CNTN4: variants seen among roughly 807,000 people sequenced by gnomAD.
The protein encoded by CNTN4 is contactin 4.
CNTN4 carries 77 observed loss-of-function variants against 122.5 expected under a neutral mutation model. The observed-to-expected ratio is 0.63, with a 90% confidence interval of 0.52 to 0.76. The LOEUF (loss-of-function observed/expected upper bound fraction) is 0.76. Among genes scored for constraint, CNTN4 ranks in the 30% least tolerant of loss-of-function variants. The pLI is 0.00. For missense variants in CNTN4, 1,256 were observed against 1,259.1 expected, an observed-to-expected ratio of 1.00 and a Z score of 0.04; for synonymous variants, 512 against 447.0, an observed-to-expected ratio of 1.15 and a Z score of -1.83.
chr3:2,584,437 C>T (rs1030388160), intron 4 of CNTN4, among the ~76,000 whole-genome samples: 2 of 152,082 alleles, frequency 1.3e-5, no homozygotes, highest in African/African-American at 4.8e-5. Context: ...GGCACAGTGG[C>T]TCGTGCCTGT....
rs1699712090 is a variant in CNTN4 at position 3,037,449 on chromosome 3, T to G, written c.2092+121T>G. 10 of 1,315,506 alleles carry G rather than the reference T, an allele frequency of 7.6e-6. No individual in the cohort carries two copies. In the South Asian group the frequency reaches 1.1e-4, roughly 14 times the overall value. The allele number at this position is 1,315,506 out of a possible 1,614,324, so 81.5% of individuals were successfully genotyped here. ...CTCTGTGTTAGCTCACCCTTCCCTT[T>G]AAATGTTTATAATGATAGAAATCAG... is the stretch of plus-strand genomic sequence containing the variant. On this transcript the variant is annotated intron_variant, in intron 18 of 24. Transcript: ENST00000418658.
chr3:2,832,499 A>G (rs531001399), intron 7 of CNTN4, among the ~76,000 whole-genome samples: 62 of 152,310 alleles, frequency 4.1e-4, no homozygotes, highest in African/African-American at 1.4e-3. Flanking sequence ...GAGTCAGAGA[A>G]GGCTTCCTTG....
intron 14 of CNTN4, among the ~76,000 whole-genome samples, chr3:3,020,236 T>C (rs916270419): frequency 6.6e-6 from 1 of 152,166 alleles, no homozygotes; most frequent in African/African-American, 2.4e-5. Flanking sequence ...CCATAAGTTA[T>C]CTTTAACCAA....
At chr3:2,493,737 C>T (rs1164331199) in intron 3 of CNTN4, among the ~76,000 whole-genome samples, 7 of 152,036 alleles carry the variant, frequency 4.6e-5, no homozygotes, top group East Asian at 3.9e-4. Flanking sequence ...ACAACTAATA[C>T]GGTCATGTGG....
intron 4 of CNTN4, among the ~76,000 whole-genome samples, chr3:2,610,884 C>A (rs372927936): frequency 1.3e-3 from 204 of 152,164 alleles, no homozygotes; most frequent in Middle Eastern, 3.4e-3. Flanking sequence ...AATATTTTTT[C>A]AGGTATACAA....
At chr3:2,584,917 GTAGATAGATAGA>G (rs760860047) in intron 4 of CNTN4, among the ~76,000 whole-genome samples, 5 of 151,148 alleles carry the variant, frequency 3.3e-5, no homozygotes, top group Admixed American at 2.0e-4. Context: ...AGGTAGGTAG[GTAGATAGATAGA>G]TAGATAGATA....
At chr3:2,794,993 C>T (rs1362712507) in intron 6 of CNTN4, among the ~76,000 whole-genome samples, 3 of 151,794 alleles carry the variant, frequency 2.0e-5, no homozygotes, top group African/African-American at 2.4e-5. Context: ...AGGATTTTAA[C>T]AGAGAATTTG....
chr3:2,405,632 TAGA>T (rs2047009331), intron 3 of CNTN4, among the ~76,000 whole-genome samples: 1 of 150,104 alleles, frequency 6.7e-6, no homozygotes, highest in Non-Finnish European at 1.5e-5. Context: ...GATAGATAGA[TAGA>T]TAGGAGTCAA....
chr3:3,001,432 C>T (rs181967555), intron 14 of CNTN4, among the ~76,000 whole-genome samples: 3 of 152,270 alleles, frequency 2.0e-5, no homozygotes, highest in Admixed American at 6.5e-5. Context: ...TAGGAAACAT[C>T]AGGTGTGTTT....
chr3:3,057,737 A>G lies in CNTN4; in HGVS notation c.*1517A>G, dbSNP rs565056750. ...GTGGTAACCGGAAAAAAATATTGTC[A>G]GTATTTCAAGCTGTGTTCCTTTCTT... On this transcript the variant is annotated 3_prime_UTR_variant, in exon 25 of 25. Coordinates refer to ENST00000418658, the MANE Select transcript of CNTN4 (RefSeq NM_175607.3). 3 of 152,756 alleles carry G rather than the reference A, an allele frequency of 2.0e-5. No individual in the cohort carries two copies. The East Asian group carries it at 5.8e-4, about 29-fold the overall frequency. 9.5% of individuals were successfully genotyped at this position (152,756 alleles called of 1,614,324 possible).
intron 3 of CNTN4, among the ~76,000 whole-genome samples, chr3:2,442,050 C>A (rs1280758260): frequency 3.3e-5 from 5 of 152,054 alleles, no homozygotes; most frequent in African/African-American, 1.2e-4. Flanking sequence ...GGTTAGAAAA[C>A]CACCAGGGGA....
chr3:2,906,138 T>C (rs1367211055), intron 12 of CNTN4, among the ~76,000 whole-genome samples: 1 of 151,730 alleles, frequency 6.6e-6, no homozygotes, highest in Non-Finnish European at 1.5e-5. Context: ...AAAAAGTTTA[T>C]CTCAAAGAAA....
chr3:2,239,374 C>T (rs1197669657), intron 2 of CNTN4, among the ~76,000 whole-genome samples: 1 of 152,120 alleles, frequency 6.6e-6, no homozygotes. Flanking sequence ...CTTGTCTAAG[C>T]TACACACAGA....
At chr3:2,503,360 C>T (rs2076646812) in intron 3 of CNTN4, among the ~76,000 whole-genome samples, 1 of 152,118 alleles carries the variant, frequency 6.6e-6, no homozygotes. Context: ...CTCACTGTAT[C>T]AGTCTTTCAA....
chr3:2,277,073 G>A (rs750092127), intron 2 of CNTN4, among the ~76,000 whole-genome samples: 2 of 152,000 alleles, frequency 1.3e-5, no homozygotes, highest in African/African-American at 4.8e-5. Flanking sequence ...GGTATATTTG[G>A]TAAAAATACA....
chr3:2,278,119 G>A (rs2041586684), intron 2 of CNTN4, among the ~76,000 whole-genome samples: 1 of 152,142 alleles, frequency 6.6e-6, no homozygotes, highest in East Asian at 1.9e-4. Context: ...TACACAGAAA[G>A]ACATGAATTG....
intron 4 of CNTN4, among the ~76,000 whole-genome samples, chr3:2,574,141 G>T (rs1398452477): frequency 6.6e-6 from 1 of 152,152 alleles, no homozygotes; most frequent in African/African-American, 2.4e-5. Context: ...GCCTGAACCT[G>T]GGAGGCGGAG....
intron 2 of CNTN4, among the ~76,000 whole-genome samples, chr3:2,189,720 C>G (rs1173071253): frequency 1.3e-5 from 2 of 149,478 alleles, no homozygotes; most frequent in Admixed American, 6.8e-5. Context: ...TTCCATAGAA[C>G]TCTGTGTCCA....
chr3:2,745,488 C>T, intron 5 of CNTN4, 34 bp from the exon 6 acceptor site: 3 of 1,527,716 alleles, frequency 2.0e-6, no homozygotes, highest in African/African-American at 1.4e-5. Flanking sequence ...ATTAATATGA[C>T]AAGACTTTAT....
Sources: allele counts gnomAD v4.1 joint callset (sites outside exome capture counted in the v4.1 genomes callset), GRCh38; gene constraint gnomAD v4.1.1; transcripts MANE v1.5; gene names NCBI Gene and HGNC (gene_info 2026-07-23, HGNC 2026-07-21).